PTPN1: variants seen among roughly 807,000 people sequenced by gnomAD.
PTPN1 encodes the protein tyrosine-protein phosphatase non-receptor type 1.
Under a neutral mutation model 59.9 loss-of-function variants are expected in PTPN1, and 12 were observed. The ratio of observed to expected loss-of-function variants is 0.20; its 90% CI spans 0.13 to 0.32. The LOEUF (loss-of-function observed/expected upper bound fraction) is 0.32, where lower values mean the gene tolerates loss of function less well. Ranked by LOEUF, PTPN1 falls within the 10% of genes least tolerant of loss-of-function variation. PTPN1 has a pLI of 1.00. For synonymous variants in PTPN1, 178 were observed against 203.6 expected (o/e 0.87, Z 1.07); for missense variants, 356 against 549.2 (o/e 0.65, Z 3.52).
At chr20:50,519,130 A>G (rs542748443) in intron 1 of PTPN1, among the ~76,000 whole-genome samples, 1 of 152,304 alleles carries the variant, frequency 6.6e-6, no homozygotes, top group Admixed American at 6.5e-5. Flanking sequence ...ACTTGCCCCT[A>G]TTTCTCTACC....
chr20:50,581,246 C>T lies in PTPN1; in HGVS notation c.1089-19C>T, dbSNP rs2082866755. On this transcript the variant is annotated intron_variant, in intron 8 of 9. Coordinates refer to ENST00000371621, the MANE Select transcript of PTPN1 (RefSeq NM_002827.4). ...TTTCTCCAAAGTGAGTAACCCATCT[C>T]TGCCCTCTGATTCCTCAGCATGAGT... The T allele has an allele frequency of 1.3e-6, 2 of 1,580,378 alleles. No individual in the cohort carries two copies. Among genetic ancestry groups the T allele is most frequent in the African/African-American group, 1.3e-5 (1 of 74,180 alleles).
chr20:50,562,564 C>T (rs1047024414), intron 2 of PTPN1, among the ~76,000 whole-genome samples: 1 of 152,180 alleles, frequency 6.6e-6, no homozygotes, highest in African/African-American at 2.4e-5. Context: ...AGCCCAGCGC[C>T]CAGTACCTCA....
At chr20:50,551,504 C>T (rs2122764529) in intron 1 of PTPN1, among the ~76,000 whole-genome samples, 1 of 152,320 alleles carries the variant, frequency 6.6e-6, no homozygotes, top group South Asian at 2.1e-4. Context: ...TACCTGTAAG[C>T]TTTGGGCACA....
In PTPN1 at chr20:50,584,660, G is replaced by C. The variant is rs751830650; in HGVS notation, c.*1945G>C. 40 of 152,088 alleles carry C rather than the reference G, an allele frequency of 2.6e-4. No homozygotes were observed. Among genetic ancestry groups the C allele is most frequent in the Non-Finnish European group, 5.0e-4 (34 of 68,012 alleles). 9.4% of individuals were successfully genotyped at this position (152,088 alleles called of 1,614,324 possible). On this transcript the variant is annotated 3_prime_UTR_variant, in exon 10 of 10. Transcript: ENST00000371621. ...GGGGGAGTGTCTCAGGGTCTTCTGTGACCTCACAGAACTGTCAGACTGTAC... is the reference window on the plus strand; with the variant it reads ...GGGGGAGTGTCTCAGGGTCTTCTGTCACCTCACAGAACTGTCAGACTGTAC...
At chr20:50,546,391 G>T (rs2082676321) in intron 1 of PTPN1, among the ~76,000 whole-genome samples, 1 of 152,146 alleles carries the variant, frequency 6.6e-6, no homozygotes. Flanking sequence ...CTCTTCCCCA[G>T]ATTGTCTTTT....
At position 50,568,887 on chromosome 20, in the gene PTPN1, G is replaced by A. The variant is rs1436520975; in HGVS notation, c.354+409G>A. Reference sequence around the variant, plus strand: ...CTGGTGAGAGTGTGGCTACCTCTGCGGAGCTGTGGGAGCGGCTGACTAGAT... The same window carrying A: ...CTGGTGAGAGTGTGGCTACCTCTGCAGAGCTGTGGGAGCGGCTGACTAGAT... On this transcript the variant is annotated intron_variant, in intron 4 of 9. Coordinates refer to ENST00000371621, the MANE Select transcript of PTPN1 (RefSeq NM_002827.4). The surrounding 1 kb of genome is among the most constrained non-coding windows in gnomAD (Gnocchi z 5.6). Among the ~76,000 whole-genome samples the A allele has an allele frequency of 6.6e-6, 1 of 152,138 alleles. No homozygotes were observed. The highest frequency in any genetic ancestry group is 1.5e-5 in the Non-Finnish European group (1 of 68,024).
At chr20:50,546,474 CCTT>C (rs1272464546) in intron 1 of PTPN1, among the ~76,000 whole-genome samples, 1 of 152,164 alleles carries the variant, frequency 6.6e-6, no homozygotes, top group Non-Finnish European at 1.5e-5. Flanking sequence ...ATTCTTTGTT[CCTT>C]CTTCATCCTT....
chr20:50,527,901 C>G (rs1418762166), intron 1 of PTPN1, among the ~76,000 whole-genome samples: 1 of 152,160 alleles, frequency 6.6e-6, no homozygotes, highest in Non-Finnish European at 1.5e-5. Context: ...ACAGGGTTTA[C>G]CCAATCTGCT....
chr20:50,582,816 C>A lies in PTPN1; in HGVS notation c.*101C>A, dbSNP rs1409714603. 4.8e-6 allele frequency: 7 copies of A among 1,459,896 alleles called. No homozygotes were observed. The highest frequency in any genetic ancestry group is 4.2e-5 in the African/African-American group (3 of 71,788). The allele number at this position is 1,459,896 out of a possible 1,614,324, so 90.4% of individuals were successfully genotyped here. On this transcript the variant is annotated 3_prime_UTR_variant, in exon 10 of 10. Coordinates refer to ENST00000371621, the MANE Select transcript of PTPN1 (RefSeq NM_002827.4). The surrounding 1 kb of genome is among the most constrained non-coding windows in gnomAD (Gnocchi z 4.2). ...CCGCGGTAGGTAAGGGCCGCCGGAC[C>A]GCGTAGAGAGCCGGGCCCCGGACGG...
chr20:50,544,224 A>G (rs1026682897), intron 1 of PTPN1, among the ~76,000 whole-genome samples: 1 of 151,960 alleles, frequency 6.6e-6, no homozygotes, highest in Non-Finnish European at 1.5e-5. Flanking sequence ...AATCATGGCT[A>G]ACTGCAGCCT....
At chr20:50,533,121 T>G (rs1261327751) in intron 1 of PTPN1, among the ~76,000 whole-genome samples, 3 of 152,118 alleles carry the variant, frequency 2.0e-5, no homozygotes, top group African/African-American at 7.2e-5. Flanking sequence ...AATATATAGT[T>G]TTTTTGAGGT....
chr20:50,510,619 C>T (rs2082502399), intron 1 of PTPN1, 29 bp downstream of exon 1: 1 of 1,548,742 alleles, frequency 6.5e-7, no homozygotes, highest in Non-Finnish European at 8.7e-7. Context: ...GCGTGGCGGG[C>T]CCTTCGCTTA....
intron 1 of PTPN1, among the ~76,000 whole-genome samples, chr20:50,541,544 T>C (rs2082652551): frequency 6.6e-6 from 1 of 151,658 alleles, no homozygotes; most frequent in African/African-American, 2.4e-5. Context: ...GTTGTACATG[T>C]GTCCCATGTT....
In PTPN1 at chr20:50,582,848, G is replaced by A; in HGVS notation, c.*133G>A. ...AGAGCCGGGCCCCGGACGGACGTTG[G>A]TTCTGCACTAAAACCCATCTTCCCC... On this transcript the variant is annotated 3_prime_UTR_variant, in exon 10 of 10. Transcript: ENST00000371621. This position sits in a 1 kb window ranked among gnomAD's most constrained non-coding sequence, Gnocchi z 4.2. 9.2e-7 allele frequency: 1 copy of A among 1,083,210 alleles called. No homozygotes were observed. The highest frequency in any genetic ancestry group is 1.4e-6 in the Non-Finnish European group (1 of 733,694). The allele number at this position is 1,083,210 out of a possible 1,614,324, so 67.1% of individuals were successfully genotyped here. A position where few individuals can be genotyped will look rare whatever the true frequency, so the allele number is the denominator to read the frequency against.
chr20:50,575,461 T>C (rs568277812), intron 5 of PTPN1, among the ~76,000 whole-genome samples: 23 of 152,204 alleles, frequency 1.5e-4, no homozygotes, highest in Non-Finnish European at 2.4e-4. Context: ...GCAGTTACCA[T>C]GGGTGTGTAG....
intron 1 of PTPN1, among the ~76,000 whole-genome samples, chr20:50,540,671 T>A (rs544794229): frequency 6.6e-6 from 1 of 152,038 alleles, no homozygotes; most frequent in Middle Eastern, 3.2e-3. Context: ...AAAGGCAAAA[T>A]ATCCAGGAAA....
intron 1 of PTPN1, among the ~76,000 whole-genome samples, chr20:50,536,010 T>A (rs1378848619): frequency 1.3e-5 from 2 of 152,220 alleles, no homozygotes; most frequent in Admixed American, 1.3e-4. Flanking sequence ...TTAAAATGTG[T>A]AAGGCTTAGA....
rs1281649713 is a variant in PTPN1, at chr20:50,584,933, G to A, written c.*2218G>A. The A allele has an allele frequency of 6.6e-6, 1 of 152,170 alleles. No homozygotes were observed. 9.4% of individuals were successfully genotyped at this position (152,170 alleles called of 1,614,324 possible). On this transcript the variant is annotated 3_prime_UTR_variant, in exon 10 of 10. Coordinates refer to ENST00000371621, the MANE Select transcript of PTPN1 (RefSeq NM_002827.4). Reference sequence around the variant, plus strand: ...CATCCCTGCATTGCCAGCACCCTCAGGCTGGAGCGCTTTCCTTGACTGTGA... The same window carrying A: ...CATCCCTGCATTGCCAGCACCCTCAAGCTGGAGCGCTTTCCTTGACTGTGA...
intron 1 of PTPN1, among the ~76,000 whole-genome samples, chr20:50,561,014 A>G (rs2082749787): frequency 6.6e-6 from 1 of 152,198 alleles, no homozygotes; most frequent in African/African-American, 2.4e-5. Flanking sequence ...CTACCCACCC[A>G]TGTCCTCCAG....
Sources: allele counts gnomAD v4.1 joint callset (sites outside exome capture counted in the v4.1 genomes callset), GRCh38; gene constraint gnomAD v4.1.1; non-coding constraint Gnocchi (gnomAD v3.1); transcripts MANE v1.5; gene names NCBI Gene and HGNC (gene_info 2026-07-23, HGNC 2026-07-21).